The following PROS1 variants were observed in gnomAD, a reference collection of about 807,000 sequenced individuals.
The protein encoded by PROS1 is protein S, also known as vitamin K-dependent protein S.
A neutral mutation model predicts 75.9 loss-of-function variants in PROS1; 29 were observed. The observed-to-expected ratio is 0.38, with a 90% CI of 0.28 to 0.52. The LOEUF is 0.52. PROS1 is among the 20% of genes least tolerant of loss of function. The probability of loss-of-function intolerance (pLI) is 0.83; values close to 1 mark genes in which losing one functional copy is unlikely to be tolerated. For synonymous variants in PROS1, 245 were observed against 280.6 expected, an observed-to-expected ratio of 0.87 and a Z score of 1.27; for missense variants, 680 against 810.3, an observed-to-expected ratio of 0.84 and a Z score of 1.95.
chr3:93,956,531 T>A (rs1304390861), intron 1 of PROS1, among the ~76,000 whole-genome samples: 13 of 124,944 alleles, frequency 1.0e-4, no homozygotes, highest in Non-Finnish European at 6.7e-5. Context: ...TCTCTCTCTC[T>A]CTACACACAC....
intron 3 of PROS1, among the ~76,000 whole-genome samples, chr3:93,919,223 G>A (rs1282247366): frequency 6.6e-6 from 1 of 152,180 alleles, no homozygotes; most frequent in Non-Finnish European, 1.5e-5. Flanking sequence ...CATTAAATAG[G>A]AATGTACTTA....
Position 93,956,697 on chromosome 3 carries a change from T to A in PROS1, c.76+16977A>T, listed in dbSNP as rs574788625. ...TTACCCTCACTTTGTGATCCAGAGA[T>A]TCCAGTATTTGCCAAGTTTTTTAAA... On this transcript the variant is annotated intron_variant, in intron 1 of 14. Transcript: ENST00000394236. Among the ~76,000 whole-genome samples, 22 of 152,080 alleles carry A rather than the reference T, an allele frequency of 1.4e-4. 1 individual carries two copies. The highest frequency in any genetic ancestry group is 1.4e-3 in the Admixed American group (22 of 15,258).
intron 1 of PROS1, among the ~76,000 whole-genome samples, chr3:93,951,645 C>G (rs1441717177): frequency 1.3e-5 from 2 of 152,162 alleles, no homozygotes; most frequent in Admixed American, 1.3e-4. Flanking sequence ...AAAAACATGC[C>G]AAATCGTAAA....
At chr3:93,916,346 C>A (rs764878971) in intron 3 of PROS1, among the ~76,000 whole-genome samples, 1 of 152,068 alleles carries the variant, frequency 6.6e-6, no homozygotes, top group Non-Finnish European at 1.5e-5. Context: ...GTGAATACAG[C>A]CAAAATTTGA....
chr3:93,958,908 G>A (rs1028820833), intron 1 of PROS1, among the ~76,000 whole-genome samples: 3 of 152,178 alleles, frequency 2.0e-5, no homozygotes, highest in African/African-American at 7.2e-5. Flanking sequence ...TTTATCAGCA[G>A]CATGAAAACA....
chr3:93,891,123 GATAA>G (rs1269786336), intron 10 of PROS1, among the ~76,000 whole-genome samples: 1 of 151,856 alleles, frequency 6.6e-6, no homozygotes, highest in African/African-American at 2.4e-5. Context: ...TAATAGTGAT[GATAA>G]ATAAATAAAT....
intron 14 of PROS1, among the ~76,000 whole-genome samples, chr3:93,876,359 C>A (rs146752346): frequency 2.6e-5 from 4 of 151,986 alleles, no homozygotes; most frequent in South Asian, 2.1e-4. Flanking sequence ...GAGGCCGAGG[C>A]GAGCGGATCG....
intron 1 of PROS1, among the ~76,000 whole-genome samples, chr3:93,970,502 A>G (rs1048060004): frequency 6.8e-6 from 1 of 148,098 alleles, no homozygotes; most frequent in Non-Finnish European, 1.5e-5. Flanking sequence ...CATCCGGCTA[A>G]TTTTTTTTTT....
At chr3:93,968,598 C>T (rs1019982490) in intron 1 of PROS1, among the ~76,000 whole-genome samples, 37 of 152,136 alleles carry the variant, frequency 2.4e-4, no homozygotes, top group African/African-American at 2.9e-4. Context: ...CAACTGCATT[C>T]GGCTCACCTA....
intron 9 of PROS1, among the ~76,000 whole-genome samples, chr3:93,893,728 A>C (rs1194446133): frequency 6.6e-6 from 1 of 152,216 alleles, no homozygotes; most frequent in Admixed American, 6.5e-5. Context: ...GTGGTAAGAA[A>C]GGTAAAATTT....
chr3:93,883,180 T>C (rs919768426), intron 12 of PROS1, among the ~76,000 whole-genome samples: 18 of 152,158 alleles, frequency 1.2e-4, no homozygotes, highest in African/African-American at 4.1e-4. Flanking sequence ...TCTGCCATGT[T>C]AGCAAATGTC....
chr3:93,897,638 G>A (rs184064173), intron 8 of PROS1, among the ~76,000 whole-genome samples: 142 of 152,054 alleles, frequency 9.3e-4, no homozygotes, highest in Admixed American at 2.6e-3. Flanking sequence ...ACATTTTTCT[G>A]GACATATACA....
intron 1 of PROS1, chr3:93,967,970 T>C (rs1336912743): frequency 6.6e-6 from 1 of 152,162 alleles, no homozygotes; most frequent in Non-Finnish European, 1.5e-5. Context: ...TTAATATTAG[T>C]ATCATTAAGT....
intron 1 of PROS1, among the ~76,000 whole-genome samples, chr3:93,952,413 G>T (rs1709516504): frequency 6.6e-6 from 1 of 152,112 alleles, no homozygotes; most frequent in Non-Finnish European, 1.5e-5. Context: ...TAGAACTCAG[G>T]ATTAAGAAAC....
At position 93,960,239 on chromosome 3, in the gene PROS1, C is replaced by T. The variant is rs536063788; in HGVS notation, c.76+13435G>A. 6.2e-4 allele frequency among the ~76,000 whole-genome samples: 93 copies of T among 149,902 alleles called. 2 individuals carry two copies. The highest frequency in any genetic ancestry group is 2.4e-4 in the Non-Finnish European group (16 of 67,726). ...TCGCCCAGGCTGGAGTGCAGTGGCA[C>T]GATCTTAGCTCACTGCAAGCTCAGC... On this transcript the variant is annotated intron_variant, in intron 1 of 14. Transcript: ENST00000394236.
chr3:93,970,769 A>G (rs1709867963), intron 1 of PROS1, among the ~76,000 whole-genome samples: 1 of 152,172 alleles, frequency 6.6e-6, no homozygotes, highest in Admixed American at 6.5e-5. Context: ...TTTAAAACAA[A>G]TAAGTTGAAT....
At chr3:93,934,210 TAA>T (rs1452088536) in intron 1 of PROS1, among the ~76,000 whole-genome samples, 1 of 150,576 alleles carries the variant, frequency 6.6e-6, no homozygotes, top group African/African-American at 2.4e-5. Flanking sequence ...TTAATAATGG[TAA>T]AAAAATAATA....
chr3:93,932,206 C>T (rs1009603999), intron 1 of PROS1, among the ~76,000 whole-genome samples: 1 of 152,200 alleles, frequency 6.6e-6, no homozygotes. Flanking sequence ...TGCTGTTTTA[C>T]ATTATCTCCT....
At chr3:93,972,288 G>C (rs1709892094) in intron 1 of PROS1, among the ~76,000 whole-genome samples, 1 of 152,218 alleles carries the variant, frequency 6.6e-6, no homozygotes, top group Non-Finnish European at 1.5e-5. Flanking sequence ...GGGTTTGAAT[G>C]CTGAAGTTTT....
Sources: allele counts gnomAD v4.1 joint callset (sites outside exome capture counted in the v4.1 genomes callset), GRCh38; gene constraint gnomAD v4.1.1; transcripts MANE v1.5; gene names NCBI Gene and HGNC (gene_info 2026-07-23, HGNC 2026-07-21).